Variants in MMACHC observed in about 807,000 individuals in gnomAD.
MMACHC encodes the protein metabolism of cobalamin associated C, also known as cyanocobalamin reductase / alkylcobalamin dealkylase.
Under a neutral mutation model 17.6 loss-of-function variants are expected in MMACHC, and 14 were observed. The observed-to-expected ratio is 0.80, with a 90% CI of 0.53 to 1.25. The LOEUF (loss-of-function observed/expected upper bound fraction) is 1.25, where lower values mean the gene tolerates loss of function less well. MMACHC is among the 50% of genes most tolerant of loss of function. The pLI is 0.00. For synonymous variants in MMACHC, 151 were observed against 142.1 expected, an observed-to-expected ratio of 1.06 and a Z score of -0.45; for missense variants, 392 against 364.5, an observed-to-expected ratio of 1.08 and a Z score of -0.62.
Position 45,512,459 on chromosome 1 carries a change from AG to A in MMACHC, c.*3246del, listed in dbSNP as rs1643772400. Reference sequence around the variant, plus strand: ...TGAGGCAAGAGAATCACTTGAACCCAGGAGGTGGAGGCTGCAGTGAGCTGAG... The same window carrying A: ...TGAGGCAAGAGAATCACTTGAACCCAGAGGTGGAGGCTGCAGTGAGCTGAG... On this transcript the variant is annotated 3_prime_UTR_variant, in exon 4 of 4. Transcript: ENST00000401061. The A allele has an allele frequency of 6.7e-6, 1 of 148,476 alleles. No individual in the cohort carries two copies. Among genetic ancestry groups the A allele is most frequent in the African/African-American group, 2.5e-5 (1 of 40,586 alleles). The allele number at this position is 148,476 out of a possible 1,614,324, so 9.2% of individuals were successfully genotyped here.
At position 45,508,251 on chromosome 1, in the gene MMACHC, G is replaced by A. The variant is rs201617713; in HGVS notation, c.316G>A (p.Glu106Lys). The change falls in exon 3 of 4, where the codon GAG becomes AAG. Residue 106 changes from glutamate to lysine, a missense_variant. Glu to Lys is a moderately conservative substitution (Grantham distance 56). Transcript: ENST00000401061. Reference sequence around the variant, plus strand: ...GCAGATAGAAATCATTGCTGACTACGAGGTGCACCCCAACCGACGCCCCAA... The same window carrying A: ...GCAGATAGAAATCATTGCTGACTACAAGGTGCACCCCAACCGACGCCCCAA... The part of the protein sequence containing the change: ...ELQIEIIADY[E>K]VHPNRRPKIL... 942 of 1,614,100 alleles carry A rather than the reference G, an allele frequency of 5.8e-4. 1 individual carries two copies. Among genetic ancestry groups the A allele is most frequent in the Admixed American group, 1.5e-3 (90 of 60,006 alleles).
Position 45,511,413 on chromosome 1 carries a change from C to A in MMACHC, c.*2198C>A. ...TGCCAGGTTTCCAGCCAGCTGGGCA[C>A]ACTGCAAGAGAAAGGCACCACTAAT... On this transcript the variant is annotated 3_prime_UTR_variant, in exon 4 of 4. Coordinates refer to ENST00000401061, the MANE Select transcript of MMACHC (RefSeq NM_015506.3). 1 of 1,612,444 alleles carries A rather than the reference C, an allele frequency of 6.2e-7. No individual in the cohort carries two copies. Among genetic ancestry groups the A allele is most frequent in the Non-Finnish European group, 8.5e-7 (1 of 1,179,186 alleles).
At chr1:45,506,518 ACT>A (rs1176918830) in intron 1 of MMACHC, among the ~76,000 whole-genome samples, 1 of 151,374 alleles carries the variant, frequency 6.6e-6, no homozygotes, top group Non-Finnish European at 1.5e-5. Context: ...CGGGGGTCTC[ACT>A]CTGTTGCCCA....
At chr1:45,502,108 T>C (rs1643556213) in intron 1 of MMACHC, among the ~76,000 whole-genome samples, 1 of 152,132 alleles carries the variant, frequency 6.6e-6, no homozygotes, top group Non-Finnish European at 1.5e-5. Flanking sequence ...TTCCTTAAAT[T>C]GGTATTCAAA....
rs1371231662 is a variant in MMACHC at position 45,512,660 on chromosome 1, G to A, written c.*3445G>A. ...CTGAAGAAGCAAGCTTCTGAGTTAT[G>A]AAAGCCTGGGTTCAGGAGACTAACC... is the stretch of plus-strand genomic sequence containing the variant. On this transcript the variant is annotated 3_prime_UTR_variant, in exon 4 of 4. Transcript: ENST00000401061. 6.6e-6 allele frequency: 1 copy of A among 152,108 alleles called. No individual in the cohort carries two copies. The highest frequency in any genetic ancestry group is 1.5e-5 in the Non-Finnish European group (1 of 68,032). The allele number at this position is 152,108 out of a possible 1,614,324, so 9.4% of individuals were successfully genotyped here.
chr1:45,505,901 C>CA (rs35613117), intron 1 of MMACHC, among the ~76,000 whole-genome samples: 101 of 127,768 alleles, frequency 7.9e-4, no homozygotes, highest in Non-Finnish European at 8.5e-4. Context: ...GACTCCGTCT[C>CA]AAAAAAAAAA....
Position 45,511,031 on chromosome 1 carries a change from A to C in MMACHC, c.*1816A>C, listed in dbSNP as rs1643732982. 4.1e-6 allele frequency: 1 copy of C among 245,048 alleles called. No individual in the cohort carries two copies. The highest frequency in any genetic ancestry group is 5.5e-5 in the Admixed American group (1 of 18,044). The allele number at this position is 245,048 out of a possible 1,614,324, so 15.2% of individuals were successfully genotyped here. On this transcript the variant is annotated 3_prime_UTR_variant, in exon 4 of 4. Coordinates refer to ENST00000401061, the MANE Select transcript of MMACHC (RefSeq NM_015506.3). ...ATCAAAAGCTAATAATATGCTTCCT[A>C]AAATAAAGACTCATCAAGGTCTCAG...
At chr1:45,505,312 G>A (rs1474159636) in intron 1 of MMACHC, among the ~76,000 whole-genome samples, 1 of 151,862 alleles carries the variant, frequency 6.6e-6, no homozygotes, top group Non-Finnish European at 1.5e-5. Context: ...GCTGGGCGTA[G>A]TGATGCACGC....
Position 45,509,331 on chromosome 1 carries a change from TC to T in MMACHC, c.*118del. ...ATTTTTGATAATATAGTAGAGATCTTCCATGAAGATAACAAGGCTCAAGGAA... is the reference window on the plus strand; with the variant it reads ...ATTTTTGATAATATAGTAGAGATCTTCATGAAGATAACAAGGCTCAAGGAA... On this transcript the variant is annotated 3_prime_UTR_variant, in exon 4 of 4. Transcript: ENST00000401061. 1.6e-6 allele frequency: 2 copies of T among 1,257,996 alleles called. No individual in the cohort carries two copies. The highest frequency in any genetic ancestry group is 2.3e-6 in the Non-Finnish European group (2 of 887,312). The allele number at this position is 1,257,996 out of a possible 1,614,324, so 77.9% of individuals were successfully genotyped here. A position where few individuals can be genotyped will look rare whatever the true frequency, so the allele number is the denominator to read the frequency against.
At position 45,509,657 on chromosome 1, in the gene MMACHC, CCA is replaced by C; in HGVS notation, c.*443_*444del. On this transcript the variant is annotated 3_prime_UTR_variant, in exon 4 of 4. Transcript: ENST00000401061. ...TTTAACTCCTGACCTCGTGATCCACCCATCTTGGCCTCCCAAAGTCCTGGGAT... is the reference window on the plus strand; with the variant it reads ...TTTAACTCCTGACCTCGTGATCCACCTCTTGGCCTCCCAAAGTCCTGGGAT... The C allele has an allele frequency of 2.4e-5, 4 of 164,644 alleles. No individual in the cohort carries two copies. The highest frequency in any genetic ancestry group is 5.2e-5 in the Non-Finnish European group (4 of 76,468). The allele number at this position is 164,644 out of a possible 1,614,324, so 10.2% of individuals were successfully genotyped here.
At chr1:45,505,308 C>T (rs1306451193) in intron 1 of MMACHC, among the ~76,000 whole-genome samples, 1 of 151,520 alleles carries the variant, frequency 6.6e-6, no homozygotes, top group African/African-American at 2.4e-5. Flanking sequence ...ATTAGCTGGG[C>T]GTAGTGATGC....
rs1365060911 is a variant in MMACHC at position 45,509,073 on chromosome 1, T to C, written c.707T>C (p.Leu236Ser). The C allele has an allele frequency of 9.9e-6, 16 of 1,613,398 alleles. No individual in the cohort carries two copies. The African/African-American group carries it at 2.1e-4, about 22-fold the overall frequency. ...PPAQRLALLGLAQPSEKPSSP... is the reference protein window; with the variant it reads ...PPAQRLALLGSAQPSEKPSSP... ...GCCCAACGATTGGCCCTATTGGGCT[T>C]GGCTCAGCCCTCAGAGAAGCCTAGT... is the stretch of plus-strand genomic sequence containing the variant. Residue 236 changes from leucine (L) to serine (S), a missense_variant, in exon 4 of 4, where the codon TTG (leucine) becomes TCG (serine). Leu to Ser is a moderately radical substitution (Grantham distance 145). Coordinates refer to ENST00000401061, the MANE Select transcript of MMACHC (RefSeq NM_015506.3).
rs367990231 is a variant in MMACHC, at chr1:45,507,372, A to T, written c.98A>T (p.Glu33Val). 6.2e-7 allele frequency: 1 copy of T among 1,614,064 alleles called. No individual in the cohort carries two copies. Among genetic ancestry groups the T allele is most frequent in the Middle Eastern group, 1.7e-4 (1 of 6,060 alleles). Residue 33 changes from glutamate to valine, a missense_variant, in exon 2 of 4, where the codon GAA (glutamate) becomes GTA (valine). Transcript: ENST00000401061. ...CTGTTTCAGGTGGCATGGTACAATG[A>T]ACTCTTGCCTCCAGCCTTCCACCTA... ...VYPFQVAWYN[E>V]LLPPAFHLPL...
chr1:45,504,550 A>G (rs1643588879), intron 1 of MMACHC, among the ~76,000 whole-genome samples: 1 of 152,186 alleles, frequency 6.6e-6, no homozygotes, highest in Non-Finnish European at 1.5e-5. Context: ...TGTCTCTACA[A>G]CAAATTATTT....
chr1:45,511,165 G>C lies in MMACHC; in HGVS notation c.*1950G>C. ...ACTCAGGCCATTCCTACCAAAGGAA[G>C]AAAGGCTGGTCTCTCCACCCCCTGT... On this transcript the variant is annotated 3_prime_UTR_variant, in exon 4 of 4. Transcript: ENST00000401061. 1 of 602,430 alleles carries C rather than the reference G, an allele frequency of 1.7e-6. No individual in the cohort carries two copies. Among genetic ancestry groups the C allele is most frequent in the South Asian group, 2.5e-5 (1 of 40,076 alleles). 37.3% of individuals were successfully genotyped at this position (602,430 alleles called of 1,614,324 possible).
In MMACHC at chr1:45,508,971, A is replaced by T. The variant is rs1557608699; in HGVS notation, c.605A>T (p.Asp202Val). Residue 202 changes from aspartate to valine, a missense_variant, in exon 4 of 4, where the codon GAT becomes GTT. Asp to Val is a radical substitution (Grantham distance 152). Coordinates refer to ENST00000401061, the MANE Select transcript of MMACHC (RefSeq NM_015506.3). ...LLEGFNFHWR[D>V]WTYRDAVTPQ... The stretch of plus-strand genomic sequence containing the variant: ...GAAGGCTTCAATTTCCACTGGCGTG[A>T]TTGGACTTACCGGGATGCTGTGACA... 2 of 1,614,020 alleles carry T rather than the reference A, an allele frequency of 1.2e-6. No individual in the cohort carries two copies. Among genetic ancestry groups the T allele is most frequent in the African/African-American group, 1.3e-5 (1 of 74,892 alleles).
At position 45,512,927 on chromosome 1, in the gene MMACHC, A is replaced by T. The variant is rs1271391444; in HGVS notation, c.*3712A>T. The T allele has an allele frequency of 6.6e-6, 1 of 152,206 alleles. No homozygotes were observed. The highest frequency in any genetic ancestry group is 2.4e-5 in the African/African-American group (1 of 41,454). 9.4% of individuals were successfully genotyped at this position (152,206 alleles called of 1,614,324 possible). ...CCCTGTAAAAAGATTACTTGGTGCT[A>T]GCCAAGCTAGCACCTTTGGGTCTTC... On this transcript the variant is annotated 3_prime_UTR_variant, in exon 4 of 4. Transcript: ENST00000401061.
At position 45,511,574 on chromosome 1, in the gene MMACHC, T is replaced by A; in HGVS notation, c.*2359T>A. ...TCACCCTTTTAGTATGAGCTAACCA[T>A]TTTACAAACATATAATCATCACCAC... On this transcript the variant is annotated 3_prime_UTR_variant, in exon 4 of 4. Coordinates refer to ENST00000401061, the MANE Select transcript of MMACHC (RefSeq NM_015506.3). 2 of 465,822 alleles carry A rather than the reference T, an allele frequency of 4.3e-6. No individual in the cohort carries two copies. The highest frequency in any genetic ancestry group is 3.8e-6 in the Non-Finnish European group (1 of 263,598). The allele number at this position is 465,822 out of a possible 1,614,324, so 28.9% of individuals were successfully genotyped here.
rs1357092595 is a variant in MMACHC at position 45,511,212 on chromosome 1, ACAC to A, written c.*2001_*2003del. 6.8e-6 allele frequency: 6 copies of A among 878,054 alleles called. No individual in the cohort carries two copies. The African/African-American group carries it at 1.0e-4, about 15-fold the overall frequency. The allele number at this position is 878,054 out of a possible 1,614,324, so 54.4% of individuals were successfully genotyped here. A position where few individuals can be genotyped will look rare whatever the true frequency, so the allele number is the denominator to read the frequency against. On this transcript the variant is annotated 3_prime_UTR_variant, in exon 4 of 4. Coordinates refer to ENST00000401061, the MANE Select transcript of MMACHC (RefSeq NM_015506.3). Reference sequence around the variant, plus strand: ...CTGTAGGAAAGGCCTGCCTTGTAAGACACCACAATTCGGCTGAATCTGAAGTCT... The same window carrying A: ...CTGTAGGAAAGGCCTGCCTTGTAAGACACAATTCGGCTGAATCTGAAGTCT...
Sources: allele counts gnomAD v4.1 joint callset (sites outside exome capture counted in the v4.1 genomes callset), GRCh38; gene constraint gnomAD v4.1.1; transcripts MANE v1.5; gene names NCBI Gene and HGNC (gene_info 2026-07-23, HGNC 2026-07-21).